The following PPARA variants were observed in gnomAD, a reference collection of about 807,000 sequenced individuals.
PPARA encodes peroxisome proliferator activated receptor alpha.
A neutral mutation model predicts 42.2 loss-of-function variants in PPARA; 22 were observed. The observed-to-expected ratio is 0.52, with a 90% CI of 0.37 to 0.74. The LOEUF (loss-of-function observed/expected upper bound fraction) is 0.74. Ranked by LOEUF, PPARA falls within the 30% of genes least tolerant of loss-of-function variation. The probability of loss-of-function intolerance (pLI) is 0.00; values close to 1 mark genes in which losing one functional copy is unlikely to be tolerated. For missense variants in PPARA, 465 were observed against 608.2 expected (o/e 0.76, Z 2.48); for synonymous variants, 242 against 239.3 (o/e 1.01, Z -0.10).
Position 46,188,531 on chromosome 22 carries a change from C to A in PPARA, c.-42-9811C>A, listed in dbSNP as rs114932491. ...CCATTTGTTTATTTGTACCTCTCAC[C>A]TGCTAGTTGGGCAAGTTACTCACTT... On this transcript the variant is annotated intron_variant, in intron 3 of 8. Coordinates refer to ENST00000407236, the MANE Select transcript of PPARA (RefSeq NM_005036.6). This position sits in a 1 kb window ranked among gnomAD's most constrained non-coding sequence, Gnocchi z 5.0. Among the ~76,000 whole-genome samples, 54 of 152,262 alleles carry A rather than the reference C, an allele frequency of 3.5e-4. No individual in the cohort carries two copies. Among genetic ancestry groups the A allele is most frequent in the African/African-American group, 1.3e-3 (54 of 41,552 alleles).
In PPARA at chr22:46,217,246, G is replaced by A. The variant is rs4253745; in HGVS notation, c.370-1017G>A. 6.4e-3 allele frequency among the ~76,000 whole-genome samples: 968 copies of A among 152,158 alleles called. 8 individuals are homozygous for A. The highest frequency in any genetic ancestry group is 0.023 in the African/African-American group (934 of 41,506). On this transcript the variant is annotated intron_variant, in intron 5 of 8. Coordinates refer to ENST00000407236, the MANE Select transcript of PPARA (RefSeq NM_005036.6). ...CCCTGCACACTGCTGTCCCTCTCCC[G>A]CGGGCCAAGCAGACCCACTGTGGCA...
chr22:46,241,400 G>C lies in PPARA; in HGVS notation c.*6020G>C, dbSNP rs143843870. 4.1e-4 allele frequency: 62 copies of C among 152,356 alleles called. No individual in the cohort carries two copies. The highest frequency in any genetic ancestry group is 1.4e-3 in the African/African-American group (60 of 41,586). 9.4% of individuals were successfully genotyped at this position (152,356 alleles called of 1,614,324 possible). A position where few individuals can be genotyped will look rare whatever the true frequency, so the allele number is the denominator to read the frequency against. On this transcript the variant is annotated 3_prime_UTR_variant, in exon 9 of 9. Coordinates refer to ENST00000407236, the MANE Select transcript of PPARA (RefSeq NM_005036.6). The surrounding 1 kb of genome is among the most constrained non-coding windows in gnomAD (Gnocchi z 5.7). ...TTGAAGGTTTTGTTAAAAAGAAAAA[G>C]ATAATGAGCTTCATGCTTTGTTTAA...
intron 4 of PPARA, among the ~76,000 whole-genome samples, chr22:46,201,738 G>A (rs1227230342): frequency 3.3e-5 from 5 of 152,108 alleles, no homozygotes; most frequent in East Asian, 1.9e-4. Context: ...ACATCCTGAC[G>A]TGCTGGAGAT....
chr22:46,205,819 C>T (rs570790921), intron 4 of PPARA, among the ~76,000 whole-genome samples: 1 of 151,624 alleles, frequency 6.6e-6, no homozygotes, highest in East Asian at 1.9e-4. Flanking sequence ...ATGAACTGAA[C>T]CTTTTATTAT....
At chr22:46,185,069 C>T (rs1365008305) in intron 3 of PPARA, among the ~76,000 whole-genome samples, 3 of 152,130 alleles carry the variant, frequency 2.0e-5, no homozygotes, top group Non-Finnish European at 2.9e-5. Context: ...TTATCCTGAA[C>T]GTACTGGTTG....
intron 2 of PPARA, among the ~76,000 whole-genome samples, chr22:46,154,485 G>T (rs1035150461): frequency 2.6e-5 from 4 of 151,962 alleles, no homozygotes; most frequent in African/African-American, 7.3e-5. Flanking sequence ...AGGTATAGTG[G>T]CGTGTGCCTG....
intron 2 of PPARA, among the ~76,000 whole-genome samples, chr22:46,153,828 C>A (rs2147088985): frequency 6.6e-6 from 1 of 151,610 alleles, no homozygotes; most frequent in Admixed American, 6.6e-5. Flanking sequence ...CACAGCACCC[C>A]AGCCTGGGTG....
At chr22:46,215,372 A>G (rs763457093) in intron 5 of PPARA, 39 bp downstream of exon 5, 178 of 1,612,826 alleles carry the variant, frequency 1.1e-4, no homozygotes, top group Non-Finnish European at 1.4e-4. Flanking sequence ...GGCCGCCACC[A>G]TCAACTACTT....
Position 46,187,752 on chromosome 22 carries a change from C to T in PPARA, c.-42-10590C>T, listed in dbSNP as rs1050511401. ...GCCTCTCCTACCTCTGCAGACTCAC[C>T]TCTTGCCACTTCTCCCTTGAGGTAG... On this transcript the variant is annotated intron_variant, in intron 3 of 8. Coordinates refer to ENST00000407236, the MANE Select transcript of PPARA (RefSeq NM_005036.6). This position sits in a 1 kb window ranked among gnomAD's most constrained non-coding sequence, Gnocchi z 4.9. Among the ~76,000 whole-genome samples, 3 of 152,196 alleles carry T rather than the reference C, an allele frequency of 2.0e-5. No homozygotes were observed. Among genetic ancestry groups the T allele is most frequent in the African/African-American group, 7.2e-5 (3 of 41,440 alleles).
intron 6 of PPARA, among the ~76,000 whole-genome samples, chr22:46,218,848 AAGAAAAAG>A (rs1401446826): frequency 3.7e-4 from 46 of 124,338 alleles, no homozygotes; most frequent in African/African-American, 1.9e-3. Context: ...AAAAAAAAAA[AAGAAAAAG>A]AAAGAAAGAA....
At position 46,219,399 on chromosome 22, in the gene PPARA, G is replaced by A. The variant is rs1017949413; in HGVS notation, c.509-413G>A. The stretch of plus-strand genomic sequence containing the variant: ...TTAATAGTTTCAGAACATGCTAATT[G>A]TGATGTGAATGTAAGTCGTTCATAA... On this transcript the variant is annotated intron_variant, in intron 6 of 8. Transcript: ENST00000407236. This position sits in a 1 kb window ranked among gnomAD's most constrained non-coding sequence, Gnocchi z 4.8. 6.6e-6 allele frequency among the ~76,000 whole-genome samples: 1 copy of A among 152,192 alleles called. No homozygotes were observed. Among genetic ancestry groups the A allele is most frequent in the African/African-American group, 2.4e-5 (1 of 41,450 alleles).
At chr22:46,178,200 T>C (rs986782458) in intron 3 of PPARA, among the ~76,000 whole-genome samples, 1 of 152,216 alleles carries the variant, frequency 6.6e-6, no homozygotes, top group Non-Finnish European at 1.5e-5. Context: ...CATGAAATAT[T>C]TCTATCTGTC....
rs780342579 is a variant in PPARA at position 46,218,275 on chromosome 22, C to T, written c.382C>T (p.Arg128Ter). The T allele has an allele frequency of 2.2e-5, 35 of 1,614,014 alleles. No individual in the cohort carries two copies. Among genetic ancestry groups the T allele is most frequent in the Non-Finnish European group, 2.7e-5 (32 of 1,180,006 alleles). Reference protein sequence around the residue: ...ACEGCKGFFRRTIRLKLVYDK... With the variant: ...ACEGCKGFFR Reference sequence around the variant, plus strand: ...ATTACCCTCACAGGGCTTCTTTCGGCGAACGATTCGACTCAAGCTGGTGTA... The same window carrying T: ...ATTACCCTCACAGGGCTTCTTTCGGTGAACGATTCGACTCAAGCTGGTGTA... Residue 128 changes from arginine (R) to a stop codon, truncating the protein, a stop_gained, in exon 6 of 9, where the codon CGA becomes TGA. Transcript: ENST00000407236. LOFTEE classifies it high-confidence loss of function.
At chr22:46,218,209 C>A in intron 5 of PPARA, 54 bp from the exon 6 acceptor site, 1 of 1,605,418 alleles carries the variant, frequency 6.2e-7, no homozygotes, top group Non-Finnish European at 8.5e-7. Flanking sequence ...AAAGCAAGTG[C>A]GCTGGTTTCT....
rs1451260327 is a variant in PPARA, at chr22:46,207,665, ATTATTATTATTATTTTTTTT to A, written c.209-7505_209-7486del. On this transcript the variant is annotated intron_variant, in intron 4 of 8. Coordinates refer to ENST00000407236, the MANE Select transcript of PPARA (RefSeq NM_005036.6). Reference sequence around the variant, plus strand: ...TTAATTTATTATTATTATTATTATTATTATTATTATTATTTTTTTTTTTTTTTTTTTTTTTAGAGACAGGG... The same window carrying A: ...TTAATTTATTATTATTATTATTATTATTTTTTTTTTTTTTTAGAGACAGGG... Among the ~76,000 whole-genome samples the A allele has an allele frequency of 9.2e-3, 774 of 83,880 alleles. 11 individuals are homozygous for A. The highest frequency in any genetic ancestry group is 0.037 in the African/African-American group (741 of 19,902). The allele number at this position is 83,880 out of a possible 152,430, so 55.0% of individuals were successfully genotyped here.
chr22:46,165,488 T>C lies in PPARA; in HGVS notation c.-126-11265T>C, dbSNP rs1479205036. 6.6e-6 allele frequency: 1 copy of C among 152,270 alleles called. No individual in the cohort carries two copies. The highest frequency in any genetic ancestry group is 1.5e-5 in the Non-Finnish European group (1 of 68,080). 9.4% of individuals were successfully genotyped at this position (152,270 alleles called of 1,614,324 possible). On this transcript the variant is annotated intron_variant, in intron 2 of 8. Transcript: ENST00000407236. This position sits in a 1 kb window ranked among gnomAD's most constrained non-coding sequence, Gnocchi z 5.5. ...TCTGGAGAAGATGGAAACTTGATGT[T>C]TGGGGCCATTGTGTCCCTGGGGTGT...
Position 46,236,262 on chromosome 22 carries a change from A to AC in PPARA, c.*882_*883insC, listed in dbSNP as rs1234138247. 1.3e-5 allele frequency: 2 copies of AC among 152,614 alleles called. No homozygotes were observed. Among genetic ancestry groups the AC allele is most frequent in the African/African-American group, 2.4e-5 (1 of 41,430 alleles). The allele number at this position is 152,614 out of a possible 1,614,324, so 9.5% of individuals were successfully genotyped here. A position where few individuals can be genotyped will look rare whatever the true frequency, so the allele number is the denominator to read the frequency against. On this transcript the variant is annotated 3_prime_UTR_variant, in exon 9 of 9. Coordinates refer to ENST00000407236, the MANE Select transcript of PPARA (RefSeq NM_005036.6). The surrounding 1 kb of genome is among the most constrained non-coding windows in gnomAD (Gnocchi z 5.2). ...CTCTGTCTTAAAAACAAACAAACAA[A>AC]AAAAAAATCTGTTAGATAAGCTATC...
Position 46,227,648 on chromosome 22 carries a change from G to A in PPARA, c.712-4144G>A, listed in dbSNP as rs1302734638. Among the ~76,000 whole-genome samples, 6 of 152,190 alleles carry A rather than the reference G, an allele frequency of 3.9e-5. No homozygotes were observed. The highest frequency in any genetic ancestry group is 1.4e-4 in the African/African-American group (6 of 41,456). ...TTCGTAGGCCACATGAGTGTGTGCC[G>A]GGACCAGTGTGGCAGCAAGCGGGGC... is the stretch of plus-strand genomic sequence containing the variant. On this transcript the variant is annotated intron_variant, in intron 7 of 8. Coordinates refer to ENST00000407236, the MANE Select transcript of PPARA (RefSeq NM_005036.6). This position sits in a 1 kb window ranked among gnomAD's most constrained non-coding sequence, Gnocchi z 4.3.
rs1015925474 is a variant in PPARA at position 46,204,959 on chromosome 22, T to C, written c.208+6368T>C. On this transcript the variant is annotated intron_variant, in intron 4 of 8. Coordinates refer to ENST00000407236, the MANE Select transcript of PPARA (RefSeq NM_005036.6). This position sits in a 1 kb window ranked among gnomAD's most constrained non-coding sequence, Gnocchi z 5.2. ...CATGGCTTACTGCAGCCTTGACCTCTTGGGCTCAGGAAACCCTCCGACCTC... is the reference window on the plus strand; with the variant it reads ...CATGGCTTACTGCAGCCTTGACCTCCTGGGCTCAGGAAACCCTCCGACCTC... Among the ~76,000 whole-genome samples, 3 of 152,012 alleles carry C rather than the reference T, an allele frequency of 2.0e-5. No individual in the cohort carries two copies. Among genetic ancestry groups the C allele is most frequent in the Non-Finnish European group, 4.4e-5 (3 of 67,992 alleles).
Sources: allele counts gnomAD v4.1 joint callset (sites outside exome capture counted in the v4.1 genomes callset), GRCh38; gene constraint gnomAD v4.1.1; non-coding constraint Gnocchi (gnomAD v3.1); transcripts MANE v1.5; gene names NCBI Gene and HGNC (gene_info 2026-07-23, HGNC 2026-07-21).